Variants in ARHGEF28 observed in about 807,000 individuals in gnomAD.
The protein encoded by ARHGEF28 is 190 kDa guanine nucleotide exchange factor.
Under a neutral mutation model 206.6 loss-of-function variants are expected in ARHGEF28, and 152 were observed. That is an observed-to-expected ratio of 0.74 (90% CI 0.64 to 0.84). ARHGEF28 has a LOEUF of 0.84. ARHGEF28 is among the 40% of genes least tolerant of loss of function. The probability of loss-of-function intolerance (pLI) is 0.00; values close to 1 mark genes in which losing one functional copy is unlikely to be tolerated. For missense variants in ARHGEF28, 2,028 were observed against 2,073.2 expected, an observed-to-expected ratio of 0.98 and a Z score of 0.42; for synonymous variants, 763 against 776.4, an observed-to-expected ratio of 0.98 and a Z score of 0.29.
At chr5:73,853,305 G>A (rs974623943) in intron 14 of ARHGEF28, among the ~76,000 whole-genome samples, 1 of 152,210 alleles carries the variant, frequency 6.6e-6, no homozygotes, top group South Asian at 2.1e-4. Flanking sequence ...ATAACTAACT[G>A]CCCATGAGTC....
At chr5:73,686,760 G>A (rs2112254027) in intron 2 of ARHGEF28, among the ~76,000 whole-genome samples, 1 of 152,024 alleles carries the variant, frequency 6.6e-6, no homozygotes, top group South Asian at 2.1e-4. Context: ...CTGACCTCGT[G>A]ATCTGCCTGC....
intron 2 of ARHGEF28, among the ~76,000 whole-genome samples, chr5:73,740,966 T>C (rs374012616): frequency 6.6e-6 from 1 of 152,150 alleles, no homozygotes; most frequent in African/African-American, 2.4e-5. Flanking sequence ...TAGTTGATGA[T>C]TTGGGGGCCA....
At chr5:73,922,932 G>A (rs1763597567) in intron 35 of ARHGEF28, among the ~76,000 whole-genome samples, 1 of 152,158 alleles carries the variant, frequency 6.6e-6, no homozygotes, top group South Asian at 2.1e-4. Context: ...TGATGCTTCT[G>A]TTCAGCATAA....
chr5:73,901,363 G>GCAGT, intron 31 of ARHGEF28, 79 bp downstream of exon 31: 1 of 1,164,902 alleles, frequency 8.6e-7, no homozygotes, highest in Non-Finnish European at 1.2e-6. Context: ...GTCTGTCACG[G>GCAGT]CAGTCAGTGG....
chr5:73,784,379 T>C (rs1754028886), intron 7 of ARHGEF28, among the ~76,000 whole-genome samples: 1 of 152,234 alleles, frequency 6.6e-6, no homozygotes, highest in Non-Finnish European at 1.5e-5. Flanking sequence ...TATAGTTTTA[T>C]GATTCTAGTT....
chr5:73,653,914 G>A (rs796173966), intron 1 of ARHGEF28, among the ~76,000 whole-genome samples: 36 of 152,260 alleles, frequency 2.4e-4, no homozygotes, highest in African/African-American at 8.7e-4. Context: ...ATACTCAATC[G>A]GCCACCCTGG....
intron 7 of ARHGEF28, among the ~76,000 whole-genome samples, chr5:73,789,800 A>G (rs1172498349): frequency 1.3e-5 from 2 of 152,120 alleles, no homozygotes; most frequent in Non-Finnish European, 2.9e-5. Context: ...GATGCTGCAC[A>G]CACACTCAGT....
chr5:73,657,348 CT>C (rs1384618552), intron 1 of ARHGEF28, among the ~76,000 whole-genome samples: 2 of 152,138 alleles, frequency 1.3e-5, no homozygotes, highest in Admixed American at 1.3e-4. Flanking sequence ...TGCTTTTTAA[CT>C]TGTCCAGTGA....
In ARHGEF28 at chr5:73,885,931, A is replaced by G. The variant is rs200651003; in HGVS notation, c.3137A>G (p.Asn1046Ser). The G allele has an allele frequency of 2.2e-4, 362 of 1,613,734 alleles. 2 individuals are homozygous for G. In the East Asian group the frequency reaches 2.3e-3, roughly 10 times the overall value. ...ATTGCAACAGTGGATTTAAAAGTCA[A>G]TGAATATGAGAAAAACCAAAAATGG... ...DMIATVDLKV[N>S]EYEKNQKWLE... The change falls in exon 25 of 36, where the codon AAT (asparagine) becomes AGT (serine). Residue 1046 changes from asparagine to serine, a missense_variant. Around this residue, in one of 3 missense-constraint regions of ARHGEF28, gnomAD observed 223 missense variants for 289.9 expected, o/e 0.77. Coordinates refer to ENST00000513042, the MANE Select transcript of ARHGEF28 (RefSeq NM_001177693.2).
chr5:73,795,563 T>A lies in ARHGEF28; in HGVS notation c.1024+172T>A. 3 of 577,726 alleles carry A rather than the reference T, an allele frequency of 5.2e-6. No individual in the cohort carries two copies. The East Asian group carries it at 8.8e-5, about 17-fold the overall frequency. 35.8% of individuals were successfully genotyped at this position (577,726 alleles called of 1,614,324 possible). A position where few individuals can be genotyped will look rare whatever the true frequency, so the allele number is the denominator to read the frequency against. Reference sequence around the variant, plus strand: ...GTAGGATCATTTGTAATACTATGACTCTAGAGGTTGAGACTCCATTTACAA... The same window carrying A: ...GTAGGATCATTTGTAATACTATGACACTAGAGGTTGAGACTCCATTTACAA... On this transcript the variant is annotated intron_variant, in intron 9 of 35. Coordinates refer to ENST00000513042, the MANE Select transcript of ARHGEF28 (RefSeq NM_001177693.2).
intron 12 of ARHGEF28, among the ~76,000 whole-genome samples, chr5:73,848,765 A>C (rs976100665): frequency 2.0e-5 from 3 of 152,154 alleles, no homozygotes; most frequent in African/African-American, 7.2e-5. Flanking sequence ...TACAGGAACT[A>C]TTCCCCAAGC....
chr5:73,776,784 G>T, intron 6 of ARHGEF28, 88 bp downstream of exon 6: 2 of 1,290,744 alleles, frequency 1.5e-6, no homozygotes, highest in Non-Finnish European at 2.1e-6. Flanking sequence ...GTGTTTTTTG[G>T]GGGTAGGACT....
intron 2 of ARHGEF28, among the ~76,000 whole-genome samples, chr5:73,726,365 A>G (rs1237187044): frequency 6.6e-6 from 1 of 152,244 alleles, no homozygotes; most frequent in African/African-American, 2.4e-5. Flanking sequence ...GACATGTTTT[A>G]TCTAAAACCA....
chr5:73,931,189 T>C (rs1764096675), intron 35 of ARHGEF28, among the ~76,000 whole-genome samples: 1 of 152,230 alleles, frequency 6.6e-6, no homozygotes, highest in Non-Finnish European at 1.5e-5. Flanking sequence ...GACTCCACTT[T>C]CCAGGGTTGC....
In ARHGEF28 at chr5:73,845,986, C is replaced by CA. The variant is rs57600570; in HGVS notation, c.1428-258dup. Among the ~76,000 whole-genome samples, 525 of 63,622 alleles carry CA rather than the reference C, an allele frequency of 8.3e-3. 8 individuals carry two copies. The highest frequency in any genetic ancestry group is 0.022 in the East Asian group (44 of 1,996). 41.7% of individuals were successfully genotyped at this position (63,622 alleles called of 152,430 possible). A position where few individuals can be genotyped will look rare whatever the true frequency, so the allele number is the denominator to read the frequency against. ...CTAGGCAACAAGAACAAAACTGTCTCAAAAAAAAAAAAAAAAAAAAAAAAG... is the reference window on the plus strand; with the variant it reads ...CTAGGCAACAAGAACAAAACTGTCTCAAAAAAAAAAAAAAAAAAAAAAAAAG... On this transcript the variant is annotated intron_variant, in intron 11 of 35. Transcript: ENST00000513042.
chr5:73,846,588 T>TG, intron 12 of ARHGEF28, 113 bp downstream of exon 12: 1 of 989,666 alleles, frequency 1.0e-6, no homozygotes, highest in Non-Finnish European at 1.5e-6. Context: ...TATGAACTAT[T>TG]TTTTTGAGAC....
chr5:73,842,918 C>T (rs1178106111), intron 11 of ARHGEF28, among the ~76,000 whole-genome samples: 1 of 150,074 alleles, frequency 6.7e-6, no homozygotes, highest in Non-Finnish European at 1.5e-5. Flanking sequence ...ATCCGGGAGG[C>T]ACAGATTTCA....
At chr5:73,844,427 GCAAC>G (rs1758174999) in intron 11 of ARHGEF28, among the ~76,000 whole-genome samples, 2 of 152,072 alleles carry the variant, frequency 1.3e-5, no homozygotes, top group Admixed American at 1.3e-4. Flanking sequence ...AAACCACGTA[GCAAC>G]TTGAAATACC....
rs1006646547 is a variant in ARHGEF28 at position 73,845,225 on chromosome 5, G to T, written c.1428-1043G>T. On this transcript the variant is annotated intron_variant, in intron 11 of 35. Coordinates refer to ENST00000513042, the MANE Select transcript of ARHGEF28 (RefSeq NM_001177693.2). The stretch of plus-strand genomic sequence containing the variant: ...GTAGAGATGTAGTTTCACCGTGTTA[G>T]CCAGGATGGTCTCGATCTCTGACCT... Among the ~76,000 whole-genome samples, 3 of 152,022 alleles carry T rather than the reference G, an allele frequency of 2.0e-5. 1 individual carries two copies. The highest frequency in any genetic ancestry group is 7.2e-5 in the African/African-American group (3 of 41,416).
Sources: allele counts gnomAD v4.1 joint callset (sites outside exome capture counted in the v4.1 genomes callset), GRCh38; gene constraint gnomAD v4.1.1; regional missense constraint gnomAD v4.1.1; transcripts MANE v1.5; gene names NCBI Gene and HGNC (gene_info 2026-07-23, HGNC 2026-07-21).